Variants in PPM1L observed in about 807,000 individuals in gnomAD.
PPM1L encodes protein phosphatase, Mg2+/Mn2+ dependent 1L, also known as protein phosphatase 1L.
Under a neutral mutation model 31.4 loss-of-function variants are expected in PPM1L, and 13 were observed. The observed-to-expected ratio is 0.41, with a 90% CI of 0.27 to 0.66. The LOEUF (loss-of-function observed/expected upper bound fraction) is 0.66, where lower values mean the gene tolerates loss of function less well. Ranked by LOEUF, PPM1L falls within the 30% of genes least tolerant of loss-of-function variation. The pLI, the probability that PPM1L is intolerant of heterozygous loss-of-function variation, is 0.29. For synonymous variants in PPM1L, 184 were observed against 175.4 expected (o/e 1.05, Z -0.39); for missense variants, 326 against 453.7 (o/e 0.72, Z 2.56).
rs187871488 is a variant in PPM1L, at chr3:160,957,856, G to A, written c.400-3880G>A. 2.2e-3 allele frequency among the ~76,000 whole-genome samples: 334 copies of A among 152,266 alleles called. 2 individuals are homozygous for A. The highest frequency in any genetic ancestry group is 7.6e-3 in the African/African-American group (315 of 41,548). On this transcript the variant is annotated intron_variant, in intron 1 of 3. Coordinates refer to ENST00000498165, the MANE Select transcript of PPM1L (RefSeq NM_139245.4). ...CTCCTAAAGTGCTGGGATTACAGGC[G>A]TGAGCCACTGCGGCCGGCCTCTCGT...
chr3:160,892,732 A>G (rs1193091884), intron 1 of PPM1L, among the ~76,000 whole-genome samples: 1 of 152,102 alleles, frequency 6.6e-6, no homozygotes, highest in Non-Finnish European at 1.5e-5. Flanking sequence ...TGCAACTAAT[A>G]TTACTTCTCA....
At chr3:160,981,828 T>A (rs575832372) in intron 2 of PPM1L, among the ~76,000 whole-genome samples, 6 of 152,146 alleles carry the variant, frequency 3.9e-5, no homozygotes, top group Middle Eastern at 6.8e-3. Context: ...AATGGCAGGA[T>A]CTCAGCTCAC....
At chr3:160,947,675 C>T (rs1240729374) in intron 1 of PPM1L, among the ~76,000 whole-genome samples, 1 of 152,176 alleles carries the variant, frequency 6.6e-6, no homozygotes, top group African/African-American at 2.4e-5. Context: ...AAAGAGCACA[C>T]CCGTCTATGT....
intron 2 of PPM1L, among the ~76,000 whole-genome samples, chr3:161,051,799 T>C (rs1719287772): frequency 6.6e-6 from 1 of 152,220 alleles, no homozygotes. Context: ...GAAAATATCA[T>C]CTGGAAATAA....
chr3:160,929,840 A>G (rs772186032), intron 1 of PPM1L, among the ~76,000 whole-genome samples: 20 of 152,174 alleles, frequency 1.3e-4, no homozygotes, highest in Admixed American at 3.9e-4. Flanking sequence ...CTGGGAGTGC[A>G]GGCCAGTCTA....
At chr3:160,926,215 C>G (rs1714581342) in intron 1 of PPM1L, among the ~76,000 whole-genome samples, 1 of 152,160 alleles carries the variant, frequency 6.6e-6, no homozygotes, top group Non-Finnish European at 1.5e-5. Flanking sequence ...CAATTGAAAC[C>G]TTTCTTTCTG....
intron 1 of PPM1L, among the ~76,000 whole-genome samples, chr3:160,773,672 TAC>T (rs1319095118): frequency 6.6e-6 from 1 of 152,200 alleles, no homozygotes; most frequent in Non-Finnish European, 1.5e-5. Context: ...ATGGACTATT[TAC>T]AGTGTCTGCT....
chr3:160,913,765 A>G (rs1250731221), intron 1 of PPM1L, among the ~76,000 whole-genome samples: 1 of 152,146 alleles, frequency 6.6e-6, no homozygotes, highest in Non-Finnish European at 1.5e-5. Flanking sequence ...CTAGTATTCC[A>G]TTGAATATAC....
intron 1 of PPM1L, 113 bp from the exon 2 acceptor site, chr3:160,961,623 G>A (rs1715966583): frequency 1.3e-6 from 1 of 757,942 alleles, no homozygotes; most frequent in Non-Finnish European, 2.0e-6. Context: ...TGCTTGTCTG[G>A]AGGGTTGGTT....
chr3:160,759,605 A>G (rs991992717), intron 1 of PPM1L, among the ~76,000 whole-genome samples: 1 of 152,172 alleles, frequency 6.6e-6, no homozygotes, highest in Non-Finnish European at 1.5e-5. Flanking sequence ...TATAACCCCT[A>G]TCCTCAAAAA....
At chr3:160,924,816 A>G (rs532028248) in intron 1 of PPM1L, among the ~76,000 whole-genome samples, 1 of 152,294 alleles carries the variant, frequency 6.6e-6, no homozygotes, top group African/African-American at 2.4e-5. Flanking sequence ...CAGTTATGGT[A>G]CTTTTGCAAA....
chr3:161,031,502 C>CTGTTTTTTTTTTTTT (rs1718564452), intron 2 of PPM1L, among the ~76,000 whole-genome samples: 1 of 101,686 alleles, frequency 9.8e-6, no homozygotes. Flanking sequence ...GTATTCTGTC[C>CTGTTTTTTTTTTTTT]TTTTTTTTTT....
chr3:160,881,924 G>A (rs144690750), intron 1 of PPM1L, among the ~76,000 whole-genome samples: 153 of 152,176 alleles, frequency 1.0e-3, no homozygotes, highest in African/African-American at 2.9e-3. Flanking sequence ...GGTAACAGGC[G>A]TCTGTAATCC....
chr3:160,947,674 A>G (rs1165534799), intron 1 of PPM1L, among the ~76,000 whole-genome samples: 1 of 152,150 alleles, frequency 6.6e-6, no homozygotes, highest in African/African-American at 2.4e-5. Context: ...AAAAGAGCAC[A>G]CCCGTCTATG....
chr3:161,017,114 A>C (rs1718108870), intron 2 of PPM1L, among the ~76,000 whole-genome samples: 3 of 152,130 alleles, frequency 2.0e-5, no homozygotes, highest in African/African-American at 7.2e-5. Flanking sequence ...GTAACTGTGG[A>C]TAGAGATGAT....
At chr3:160,885,586 A>C (rs569304711) in intron 1 of PPM1L, among the ~76,000 whole-genome samples, 5 of 152,144 alleles carry the variant, frequency 3.3e-5, no homozygotes, top group African/African-American at 1.2e-4. Context: ...GAGGGAACAC[A>C]GTGTGGTGTG....
chr3:160,955,332 A>T (rs1344382570), intron 1 of PPM1L, among the ~76,000 whole-genome samples: 2 of 151,910 alleles, frequency 1.3e-5, no homozygotes, highest in African/African-American at 2.4e-5. Flanking sequence ...ATTATTTTTT[A>T]AAATTGGTCT....
intron 1 of PPM1L, among the ~76,000 whole-genome samples, chr3:160,844,763 A>G (rs1714021806): frequency 6.6e-6 from 1 of 152,060 alleles, no homozygotes; most frequent in African/African-American, 2.4e-5. Flanking sequence ...ATACTGTACA[A>G]TTCACCCATA....
chr3:160,842,114 A>C (rs1469136984), intron 1 of PPM1L: 4 of 615,336 alleles, frequency 6.5e-6, no homozygotes, highest in South Asian at 1.9e-5. Flanking sequence ...TACATAACCA[A>C]TACAGGGTTT....
Sources: allele counts gnomAD v4.1 joint callset (sites outside exome capture counted in the v4.1 genomes callset), GRCh38; gene constraint gnomAD v4.1.1; transcripts MANE v1.5; gene names NCBI Gene and HGNC (gene_info 2026-07-23, HGNC 2026-07-21).